Variants in PCDH15 observed in about 807,000 individuals in gnomAD.
PCDH15 encodes the protein protocadherin related 15.
In PCDH15, 129 loss-of-function variants were observed where a neutral mutation model predicts 178.5. That is an observed-to-expected ratio of 0.72 (90% CI 0.63 to 0.84). PCDH15 has a LOEUF of 0.84. Among genes scored for constraint, PCDH15 ranks in the 40% least tolerant of loss-of-function variants. PCDH15 has a pLI of 0.00. For missense variants in PCDH15, 2,230 were observed against 2,099.9 expected (o/e 1.06, Z -1.21); for synonymous variants, 800 against 732.0 (o/e 1.09, Z -1.50).
At chr10:55,330,981 C>T (rs1844185649) in intron 2 of PCDH15, among the ~76,000 whole-genome samples, 1 of 151,610 alleles carries the variant, frequency 6.6e-6, no homozygotes, top group Non-Finnish European at 1.5e-5. Context: ...AGCATCGCCA[C>T]TCTCCTATCC....
At chr10:54,990,622 C>G (rs1184605247) in intron 2 of PCDH15, among the ~76,000 whole-genome samples, 1 of 152,122 alleles carries the variant, frequency 6.6e-6, no homozygotes, top group Non-Finnish European at 1.5e-5. Context: ...TTAGGTAATA[C>G]ATACAGTACA....
intron 1 of PCDH15, among the ~76,000 whole-genome samples, chr10:54,687,693 T>G (rs1329726548): frequency 1.3e-5 from 2 of 152,090 alleles, no homozygotes; most frequent in African/African-American, 4.8e-5. Flanking sequence ...TTTTTCTGTA[T>G]GTTTCCTCTT....
chr10:54,590,793 A>G (rs1316367441), intron 2 of PCDH15, among the ~76,000 whole-genome samples: 1 of 152,158 alleles, frequency 6.6e-6, no homozygotes, highest in Non-Finnish European at 1.5e-5. Flanking sequence ...TGCACCCTCT[A>G]AATCCATACA....
chr10:55,206,963 G>T (rs924186106), intron 1 of PCDH15, among the ~76,000 whole-genome samples: 1 of 151,782 alleles, frequency 6.6e-6, no homozygotes, highest in Non-Finnish European at 1.5e-5. Context: ...AGAGTTAGTC[G>T]GGTTCAGATC....
At chr10:54,711,030 A>G (rs1346252706) in intron 1 of PCDH15, among the ~76,000 whole-genome samples, 1 of 151,980 alleles carries the variant, frequency 6.6e-6, no homozygotes, top group Non-Finnish European at 1.5e-5. Context: ...ACTTGACAGC[A>G]TGGCAACACT....
chr10:53,880,179 T>A (rs1190137561), intron 26 of PCDH15, among the ~76,000 whole-genome samples: 4 of 152,196 alleles, frequency 2.6e-5, no homozygotes, highest in Non-Finnish European at 4.4e-5. Flanking sequence ...GTGTTATGCA[T>A]ATTACATATA....
intron 2 of PCDH15, among the ~76,000 whole-genome samples, chr10:55,527,355 G>T (rs938497466): frequency 5.9e-5 from 9 of 152,108 alleles, no homozygotes; most frequent in African/African-American, 2.2e-4. Context: ...CTTCTGGTGG[G>T]TCACTGGTGA....
At chr10:53,884,320 C>A (rs547229439) in intron 26 of PCDH15, among the ~76,000 whole-genome samples, 1 of 152,080 alleles carries the variant, frequency 6.6e-6, no homozygotes, top group African/African-American at 2.4e-5. Flanking sequence ...TGTTTTACAC[C>A]CTTTAACAAA....
intron 5 of PCDH15, among the ~76,000 whole-genome samples, chr10:54,355,851 T>C (rs1365062310): frequency 6.6e-6 from 1 of 152,034 alleles, no homozygotes; most frequent in Non-Finnish European, 1.5e-5. Flanking sequence ...CAAATCTCTA[T>C]TGCTAGAACA....
intron 1 of PCDH15, among the ~76,000 whole-genome samples, chr10:54,671,026 T>C (rs2094657083): frequency 6.6e-6 from 1 of 152,114 alleles, no homozygotes; most frequent in Non-Finnish European, 1.5e-5. Context: ...GATAAATACA[T>C]TTCTCACTAT....
rs10509008 is a variant in PCDH15, at chr10:54,279,576, T to C, written c.876+37695A>G. ...ACTCTACTCATTTGCCATCCAAATA[T>C]GATAGAAGATGCTGCTCATTCCTAA... On this transcript the variant is annotated intron_variant, in intron 8 of 37. Coordinates refer to ENST00000644397, the MANE Select transcript of PCDH15 (RefSeq NM_001384140.1). Among the ~76,000 whole-genome samples, 3,697 of 151,730 alleles carry C rather than the reference T, an allele frequency of 0.024. 345 individuals are homozygous for C. In the East Asian group the frequency reaches 0.32, roughly 13 times the overall value.
chr10:55,036,642 A>G (rs1840742990), intron 2 of PCDH15, among the ~76,000 whole-genome samples: 1 of 152,164 alleles, frequency 6.6e-6, no homozygotes, highest in Non-Finnish European at 1.5e-5. Flanking sequence ...AATTTCCTTG[A>G]CTTTTGCTGC....
chr10:53,811,124 C>A (rs952533635), intron 36 of PCDH15, among the ~76,000 whole-genome samples: 2 of 152,092 alleles, frequency 1.3e-5, no homozygotes, highest in Non-Finnish European at 2.9e-5. Flanking sequence ...TATATGTGTA[C>A]AAGTGACTTT....
intron 1 of PCDH15, among the ~76,000 whole-genome samples, chr10:54,755,860 GTTC>G (rs1452904030): frequency 2.0e-5 from 3 of 152,056 alleles, no homozygotes; most frequent in Non-Finnish European, 2.9e-5. Context: ...TGCATACAAA[GTTC>G]TTATTACAGT....
chr10:55,370,104 C>A (rs1845466865), intron 2 of PCDH15, among the ~76,000 whole-genome samples: 1 of 151,984 alleles, frequency 6.6e-6, no homozygotes, highest in African/African-American at 2.4e-5. Flanking sequence ...ACCAAAGAAC[C>A]TCAAAAATCT....
At chr10:54,748,005 C>T (rs775080640) in intron 1 of PCDH15, among the ~76,000 whole-genome samples, 13 of 152,050 alleles carry the variant, frequency 8.5e-5, no homozygotes, top group Non-Finnish European at 1.8e-4. Context: ...CGGGGTTTTA[C>T]TGTGTTAGCC....
At chr10:54,574,677 T>C (rs1014333467) in intron 2 of PCDH15, among the ~76,000 whole-genome samples, 7 of 148,872 alleles carry the variant, frequency 4.7e-5, no homozygotes, top group Non-Finnish European at 8.9e-5. Context: ...TGTGGAGAAA[T>C]AGGAACACTT....
chr10:54,656,022 A>T (rs2094399061), intron 2 of PCDH15: 1 of 152,218 alleles, frequency 6.6e-6, no homozygotes. Context: ...CCAATAAAAA[A>T]GACAAAATCT....
chr10:54,357,138 A>G (rs1191438984), intron 5 of PCDH15, among the ~76,000 whole-genome samples: 1 of 152,120 alleles, frequency 6.6e-6, no homozygotes, highest in Non-Finnish European at 1.5e-5. Flanking sequence ...CCTATTCAAC[A>G]TAGTGTTGGA....
Sources: allele counts gnomAD v4.1 joint callset (sites outside exome capture counted in the v4.1 genomes callset), GRCh38; gene constraint gnomAD v4.1.1; transcripts MANE v1.5; gene names NCBI Gene and HGNC (gene_info 2026-07-23, HGNC 2026-07-21).